The following RANBP9 variants were observed in gnomAD, a reference collection of about 807,000 sequenced individuals.
RANBP9 encodes the protein ran-binding protein 9.
RANBP9 carries 15 observed loss-of-function variants against 84.3 expected under a neutral mutation model. The observed-to-expected ratio is 0.18, with a 90% CI of 0.12 to 0.27. RANBP9 has a LOEUF of 0.27. Ranked by LOEUF, RANBP9 falls within the 10% of genes least tolerant of loss-of-function variation. The pLI is 1.00. For synonymous variants in RANBP9, 392 were observed against 349.6 expected (o/e 1.12, Z -1.35); for missense variants, 809 against 912.8 (o/e 0.89, Z 1.46).
intron 2 of RANBP9, among the ~76,000 whole-genome samples, chr6:13,686,574 C>T (rs1766195725): frequency 6.6e-6 from 1 of 151,942 alleles, no homozygotes; most frequent in African/African-American, 2.4e-5. Context: ...CATGAGCCAC[C>T]ATGCCCAGCC....
At chr6:13,674,129 G>A (rs1393265797) in intron 2 of RANBP9, among the ~76,000 whole-genome samples, 1 of 149,284 alleles carries the variant, frequency 6.7e-6, no homozygotes, top group Non-Finnish European at 1.5e-5. Context: ...CAAGGAACAA[G>A]TATAATGAGT....
In RANBP9 at chr6:13,708,270, T is replaced by A. The variant is rs562214711; in HGVS notation, c.571+2665A>T. 2.6e-5 allele frequency among the ~76,000 whole-genome samples: 4 copies of A among 151,416 alleles called. No individual in the cohort carries two copies. In the South Asian group the frequency reaches 8.4e-4, roughly 32 times the overall value. On this transcript the variant is annotated intron_variant, in intron 1 of 13. Transcript: ENST00000011619. The stretch of plus-strand genomic sequence containing the variant: ...GACCCCATCTCCACAAAAAAAAAAA[T>A]TACAACTTAGCCCAGCATAGTGACA...
At chr6:13,635,460 G>A (rs192693670) in intron 10 of RANBP9, among the ~76,000 whole-genome samples, 75 of 151,792 alleles carry the variant, frequency 4.9e-4, no homozygotes, top group Non-Finnish European at 1.5e-5. Context: ...AGATAAAAAT[G>A]ACATTTCTCA....
chr6:13,694,183 C>A (rs1361152409), intron 2 of RANBP9, among the ~76,000 whole-genome samples: 1 of 152,166 alleles, frequency 6.6e-6, no homozygotes, highest in Non-Finnish European at 1.5e-5. Context: ...GATACTTACT[C>A]GTGAAAAGAA....
In RANBP9 at chr6:13,632,280, A is replaced by G. The variant is rs1764808833; in HGVS notation, c.1947+90T>C. ...AAGGTCAGGTCCCAGTTCCCTAACA[A>G]GAATTTCTGGTACACTGCTCAGTGT... On this transcript the variant is annotated intron_variant, in intron 12 of 13. Coordinates refer to ENST00000011619, the MANE Select transcript of RANBP9 (RefSeq NM_005493.3). 1.0e-5 allele frequency: 14 copies of G among 1,371,348 alleles called. No homozygotes were observed. The Admixed American group carries it at 3.2e-4, about 31-fold the overall frequency. 84.9% of individuals were successfully genotyped at this position (1,371,348 alleles called of 1,614,324 possible). A position where few individuals can be genotyped will look rare whatever the true frequency, so the allele number is the denominator to read the frequency against.
At chr6:13,634,691 TA>T (rs1764891967) in intron 10 of RANBP9, 139 bp from the exon 11 acceptor site, 2 of 894,292 alleles carry the variant, frequency 2.2e-6, no homozygotes, top group Non-Finnish European at 3.2e-6. Flanking sequence ...GGTATTTAGT[TA>T]AATCTTGAAC....
chr6:13,692,550 A>C (rs1479678001), intron 2 of RANBP9, among the ~76,000 whole-genome samples: 1 of 145,546 alleles, frequency 6.9e-6, no homozygotes, highest in Non-Finnish European at 1.5e-5. Flanking sequence ...AAAAAAAAAA[A>C]AAAACACAAA....
chr6:13,629,449 G>A (rs1402784094), intron 12 of RANBP9, among the ~76,000 whole-genome samples: 2 of 152,142 alleles, frequency 1.3e-5, no homozygotes, highest in African/African-American at 4.8e-5. Context: ...TAGCATTATG[G>A]GTTATTTTAA....
Position 13,625,713 on chromosome 6 carries a change from T to G in RANBP9, c.1999A>C (p.Asn667His). The change falls in exon 13 of 14, where the codon AAT (asparagine) becomes CAT (histidine). Residue 667 changes from asparagine to histidine, a missense_variant. Physicochemically the swap from Asn to His is moderately conservative, Grantham distance 68. Transcript: ENST00000011619. The stretch of plus-strand genomic sequence containing the variant: ...TCTCTCTGAATCGGGTCAAGCTGAT[T>G]TCCAACTGGGCTGTTCCAGGGATCT... ...YSDPWNSPVG[N>H]QLDPIQREPV... The G allele has an allele frequency of 6.2e-7, 1 of 1,613,414 alleles. No homozygotes were observed. The highest frequency in any genetic ancestry group is 8.5e-7 in the Non-Finnish European group (1 of 1,179,392).
At chr6:13,699,837 G>A (rs1343346216) in intron 1 of RANBP9, among the ~76,000 whole-genome samples, 1 of 152,150 alleles carries the variant, frequency 6.6e-6, no homozygotes, top group Non-Finnish European at 1.5e-5. Context: ...TCCAGCCTGA[G>A]CAATAGAGTG....
chr6:13,678,928 A>C (rs1173530307), intron 2 of RANBP9, among the ~76,000 whole-genome samples: 1 of 152,194 alleles, frequency 6.6e-6, no homozygotes, highest in Non-Finnish European at 1.5e-5. Context: ...GCATGCTCAA[A>C]ATATTGCAAA....
intron 5 of RANBP9, among the ~76,000 whole-genome samples, chr6:13,647,537 A>G (rs967000083): frequency 6.6e-6 from 1 of 152,176 alleles, no homozygotes; most frequent in African/African-American, 2.4e-5. Context: ...AACATATTGT[A>G]TATGGTATGA....
intron 2 of RANBP9, among the ~76,000 whole-genome samples, chr6:13,686,199 G>C (rs369336634): frequency 2.6e-4 from 37 of 142,880 alleles, no homozygotes; most frequent in Admixed American, 5.3e-4. Flanking sequence ...TGACCTCCTG[G>C]GCTCAAGCGA....
intron 2 of RANBP9, among the ~76,000 whole-genome samples, chr6:13,662,066 T>C (rs1765548308): frequency 1.3e-5 from 2 of 152,152 alleles, no homozygotes; most frequent in Non-Finnish European, 2.9e-5. Context: ...AAGAACTATC[T>C]GACGACATAC....
chr6:13,676,872 T>C (rs1765896621), intron 2 of RANBP9, among the ~76,000 whole-genome samples: 1 of 152,036 alleles, frequency 6.6e-6, no homozygotes, highest in Non-Finnish European at 1.5e-5. Context: ...CTCAACTTAA[T>C]AAAGAACATC....
At chr6:13,661,553 T>C (rs1044491887) in intron 2 of RANBP9, among the ~76,000 whole-genome samples, 1 of 152,114 alleles carries the variant, frequency 6.6e-6, no homozygotes, top group African/African-American at 2.4e-5. Context: ...GAATTCATTC[T>C]AGATGATATC....
intron 5 of RANBP9, among the ~76,000 whole-genome samples, chr6:13,652,124 C>T (rs1293757476): frequency 2.0e-5 from 3 of 152,156 alleles, no homozygotes; most frequent in Non-Finnish European, 2.9e-5. Context: ...GTTGGTATTC[C>T]CATTCTCTGT....
chr6:13,658,234 TAAA>T (rs570189506), intron 3 of RANBP9, among the ~76,000 whole-genome samples: 1 of 151,938 alleles, frequency 6.6e-6, no homozygotes, highest in Non-Finnish European at 1.5e-5. Flanking sequence ...TACTAAAACT[TAAA>T]AATATAAAAA....
intron 6 of RANBP9, among the ~76,000 whole-genome samples, chr6:13,644,315 CAAATT>C (rs1489249568): frequency 6.6e-6 from 1 of 152,176 alleles, no homozygotes; most frequent in Non-Finnish European, 1.5e-5. Context: ...TTTCCTTCAT[CAAATT>C]AATTCAGACT....
Sources: allele counts gnomAD v4.1 joint callset (sites outside exome capture counted in the v4.1 genomes callset), GRCh38; gene constraint gnomAD v4.1.1; transcripts MANE v1.5; gene names NCBI Gene and HGNC (gene_info 2026-07-23, HGNC 2026-07-21).